Variants in PTPRD observed in about 807,000 individuals in gnomAD.
PTPRD encodes the protein protein tyrosine phosphatase receptor type D.
In PTPRD, 34 loss-of-function variants were observed where a neutral mutation model predicts 214.5. That is an observed-to-expected ratio of 0.16 (90% confidence interval 0.12 to 0.21). The LOEUF (loss-of-function observed/expected upper bound fraction) is 0.21, where lower values mean the gene tolerates loss of function less well. PTPRD is among the 10% of genes least tolerant of loss of function. The probability of loss-of-function intolerance (pLI) is 1.00; values close to 1 mark genes in which losing one functional copy is unlikely to be tolerated. For synonymous variants in PTPRD, 1,128 were observed against 845.7 expected, an observed-to-expected ratio of 1.33 and a Z score of -5.79; for missense variants, 2,545 against 2,398.7, an observed-to-expected ratio of 1.06 and a Z score of -1.27.
chr9:9,893,155 C>T (rs972567162), intron 5 of PTPRD, among the ~76,000 whole-genome samples: 4 of 151,964 alleles, frequency 2.6e-5, no homozygotes, highest in Non-Finnish European at 1.5e-5. Flanking sequence ...TGATCTTGTT[C>T]TTTTTTATGG....
At chr9:8,818,267 A>G (rs1012368411) in intron 11 of PTPRD, among the ~76,000 whole-genome samples, 1 of 152,188 alleles carries the variant, frequency 6.6e-6, no homozygotes, top group Admixed American at 6.5e-5. Context: ...TTGTGTGGCC[A>G]CTGGAAAATT....
chr9:9,331,966 C>A (rs187971698), intron 9 of PTPRD, among the ~76,000 whole-genome samples: 1 of 151,942 alleles, frequency 6.6e-6, no homozygotes, highest in African/African-American at 2.4e-5. Context: ...TGAAGAACAT[C>A]CCCCCACCTC....
At chr9:10,192,227 G>T (rs986790102) in intron 3 of PTPRD, among the ~76,000 whole-genome samples, 4 of 152,050 alleles carry the variant, frequency 2.6e-5, no homozygotes, top group Admixed American at 2.0e-4. Context: ...GAAAGGAAGT[G>T]AAGATTTTTG....
chr9:10,192,300 T>C (rs900789838), intron 3 of PTPRD, among the ~76,000 whole-genome samples: 1 of 152,028 alleles, frequency 6.6e-6, no homozygotes, highest in Non-Finnish European at 1.5e-5. Context: ...AACTCTGTAG[T>C]TGTTTCATAT....
Position 8,939,063 on chromosome 9 carries a change from T to C in PTPRD, c.-104+79634A>G, listed in dbSNP as rs368176744. On this transcript the variant is annotated intron_variant, in intron 11 of 45. Transcript: ENST00000381196. ...TTTATTTATTTTTTATACTATGTAA[T>C]TGAATTTTGAATGTACATTATCTGA... Among the ~76,000 whole-genome samples the C allele has an allele frequency of 2.5e-4, 38 of 152,322 alleles. No individual in the cohort carries two copies. In the East Asian group the frequency reaches 5.6e-3, roughly 22 times the overall value.
intron 12 of PTPRD, among the ~76,000 whole-genome samples, chr9:8,706,846 C>G (rs369375076): frequency 3.9e-4 from 59 of 152,306 alleles, no homozygotes; most frequent in African/African-American, 1.3e-3. Flanking sequence ...TTCACTGCAG[C>G]ATGCCTCTGA....
intron 12 of PTPRD, among the ~76,000 whole-genome samples, chr9:8,676,871 G>A (rs2097431439): frequency 6.6e-6 from 1 of 152,126 alleles, no homozygotes; most frequent in Admixed American, 6.5e-5. Flanking sequence ...ACCGTGCCCG[G>A]CCCATTGTCA....
chr9:9,895,906 A>C (rs1273135751), intron 5 of PTPRD, among the ~76,000 whole-genome samples: 1 of 152,056 alleles, frequency 6.6e-6, no homozygotes, highest in South Asian at 2.1e-4. Flanking sequence ...GTCATTTTTC[A>C]TTTATAATGG....
At chr9:9,473,298 T>C (rs2094765397) in intron 8 of PTPRD, among the ~76,000 whole-genome samples, 1 of 152,196 alleles carries the variant, frequency 6.6e-6, no homozygotes. Context: ...TTGTATTGAG[T>C]GACAGGATTT....
intron 9 of PTPRD, among the ~76,000 whole-genome samples, chr9:9,264,815 C>A (rs1054678112): frequency 6.6e-6 from 1 of 151,038 alleles, no homozygotes; most frequent in Non-Finnish European, 1.5e-5. Context: ...AACAAGAGAT[C>A]CTCCATGAGA....
At chr9:9,395,571 G>C (rs10977724) in intron 9 of PTPRD, among the ~76,000 whole-genome samples, 40,672 of 151,872 alleles carry the variant, frequency 0.27, 5,600 homozygotes, top group Middle Eastern at 0.3. Flanking sequence ...CTGGGTTTCA[G>C]AATATTCTTC....
At chr9:10,347,174 C>T (rs1023000540) in intron 2 of PTPRD, among the ~76,000 whole-genome samples, 5 of 152,146 alleles carry the variant, frequency 3.3e-5, no homozygotes, top group African/African-American at 4.8e-5. Flanking sequence ...CCTCTCTTTA[C>T]ACTTCATTGT....
intron 34 of PTPRD, among the ~76,000 whole-genome samples, chr9:8,444,627 A>G (rs1369491452): frequency 1.3e-5 from 2 of 152,154 alleles, no homozygotes. Flanking sequence ...ATAATTATAA[A>G]AATTTTCAAA....
intron 9 of PTPRD, among the ~76,000 whole-genome samples, chr9:9,195,086 G>GTGTA (rs1554959656): frequency 1.4e-3 from 181 of 131,190 alleles, no homozygotes; most frequent in African/African-American, 3.6e-3. Flanking sequence ...GTGTGTTTGT[G>GTGTA]TATATATATA....
rs56946405 is a variant in PTPRD at position 9,730,553 on chromosome 9, G to A, written c.-287+3980C>T. On this transcript the variant is annotated intron_variant, in intron 7 of 45. Coordinates refer to ENST00000381196, the MANE Select transcript of PTPRD (RefSeq NM_002839.4). ...TCTCAATAACTATATAAGTACAAAA[G>A]ATAAAATCTTGTTTTAACTATCTAT... Among the ~76,000 whole-genome samples, 180 of 152,220 alleles carry A rather than the reference G, an allele frequency of 1.2e-3. 4 individuals carry two copies. In the East Asian group the frequency reaches 0.03, roughly 25 times the overall value.
chr9:9,536,161 A>G (rs1440950978), intron 8 of PTPRD, among the ~76,000 whole-genome samples: 2 of 152,012 alleles, frequency 1.3e-5, no homozygotes, highest in Non-Finnish European at 2.9e-5. Flanking sequence ...GATTCTATGC[A>G]TACTATTTCA....
At chr9:9,846,600 T>C (rs2059575872) in intron 5 of PTPRD, among the ~76,000 whole-genome samples, 1 of 152,016 alleles carries the variant, frequency 6.6e-6, no homozygotes, top group African/African-American at 2.4e-5. Flanking sequence ...ACCAGACGAG[T>C]TTGCAGCTAG....
intron 10 of PTPRD, among the ~76,000 whole-genome samples, chr9:9,128,050 G>A (rs1020292693): frequency 1.1e-4 from 16 of 151,988 alleles, no homozygotes; most frequent in Non-Finnish European, 2.9e-5. Flanking sequence ...TACCAATACT[G>A]TACTTTTTTA....
intron 44 of PTPRD, among the ~76,000 whole-genome samples, chr9:8,322,516 C>T (rs763434438): frequency 3.3e-5 from 5 of 152,110 alleles, no homozygotes; most frequent in Non-Finnish European, 7.3e-5. Flanking sequence ...AAGCCTAGGC[C>T]AGAGCAAGGC....
Sources: allele counts gnomAD v4.1 joint callset (sites outside exome capture counted in the v4.1 genomes callset), GRCh38; gene constraint gnomAD v4.1.1; transcripts MANE v1.5; gene names NCBI Gene and HGNC (gene_info 2026-07-23, HGNC 2026-07-21).